NDE1: variants seen among roughly 807,000 people sequenced by gnomAD.
The protein encoded by NDE1 is nudE neurodevelopment protein 1, also known as nuclear distribution protein nudE homolog 1.
NDE1 carries 28 observed loss-of-function variants against 43.4 expected under a neutral mutation model. That is an observed-to-expected ratio of 0.65 (90% CI 0.48 to 0.89). The LOEUF (loss-of-function observed/expected upper bound fraction) is 0.89, where lower values mean the gene tolerates loss of function less well. Among genes scored for constraint, NDE1 ranks in the 40% least tolerant of loss-of-function variants. The pLI is 0.00. For missense variants in NDE1, 441 were observed against 434.1 expected (o/e 1.02, Z -0.14); for synonymous variants, 184 against 172.0 (o/e 1.07, Z -0.55).
chr16:15,717,053 T>C, intron 8 of NDE1: 1 of 1,397,076 alleles, frequency 7.2e-7, no homozygotes, highest in Non-Finnish European at 1.0e-6. Context: ...CCAGAACTGA[T>C]GCTGGAAGAG....
At chr16:15,691,551 G>C (rs1016014611) in intron 6 of NDE1, among the ~76,000 whole-genome samples, 1 of 152,024 alleles carries the variant, frequency 6.6e-6, no homozygotes, top group Admixed American at 6.6e-5. Flanking sequence ...ACCCCACCCA[G>C]AGCGGGTGGC....
At chr16:15,704,431 A>G (rs1048226964) in intron 8 of NDE1, among the ~76,000 whole-genome samples, 38 of 152,318 alleles carry the variant, frequency 2.5e-4, no homozygotes, top group African/African-American at 8.7e-4. Context: ...TTGAGAAGCC[A>G]CAGGATTCTG....
At chr16:15,645,871 C>T (rs576402757), upstream of NDE1, among the ~76,000 whole-genome samples, 90 of 152,244 alleles carry the variant, frequency 5.9e-4, 1 homozygote, top group Non-Finnish European at 1.0e-3. Context: ...TCCCCAGAAA[C>T]CAATCTTCTA....
chr16:15,725,934 C>T lies in NDE1; in HGVS notation c.*1683C>T, dbSNP rs887859862. On this transcript the variant is annotated 3_prime_UTR_variant, in exon 9 of 9. Coordinates refer to ENST00000396354, the MANE Select transcript of NDE1 (RefSeq NM_017668.3). ...TACATCATCTGGGTACAAGCTCCCCCTCCAACCCCACTCTGTACTATCTCC... is the reference window on the plus strand; with the variant it reads ...TACATCATCTGGGTACAAGCTCCCCTTCCAACCCCACTCTGTACTATCTCC... The T allele has an allele frequency of 2.4e-5, 9 of 372,452 alleles. No homozygotes were observed. The highest frequency in any genetic ancestry group is 9.2e-5 in the Admixed American group (2 of 21,724). The allele number at this position is 372,452 out of a possible 1,614,324, so 23.1% of individuals were successfully genotyped here.
chr16:15,653,182 T>A (rs144553183), intron 1 of NDE1, among the ~76,000 whole-genome samples: 1,670 of 152,260 alleles, frequency 0.011, 37 homozygotes, highest in African/African-American at 0.037. Flanking sequence ...ATATTAGTAC[T>A]TACAGTTCTT....
chr16:15,687,659 C>A, intron 5 of NDE1, 148 bp downstream of exon 5: 1 of 804,356 alleles, frequency 1.2e-6, no homozygotes, highest in Non-Finnish European at 2.1e-6. Context: ...TGTCGGACTG[C>A]ACTGGGCAGA....
At chr16:15,670,031 G>A (rs1246222081) in intron 3 of NDE1, among the ~76,000 whole-genome samples, 1 of 152,162 alleles carries the variant, frequency 6.6e-6, no homozygotes, top group African/African-American at 2.4e-5. Flanking sequence ...CTGCCAGCCA[G>A]CATCACTAGG....
intron 4 of NDE1, 188 bp from the exon 5 acceptor site, chr16:15,687,186 TC>T: frequency 6.6e-7 from 1 of 1,510,074 alleles, no homozygotes; most frequent in Non-Finnish European, 8.8e-7. Context: ...CTATGATGAG[TC>T]CCATTCTGCA....
intron 8 of NDE1, chr16:15,720,352 CT>C (rs2040402334): frequency 1.3e-6 from 2 of 1,596,450 alleles, no homozygotes; most frequent in Middle Eastern, 1.7e-4. Context: ...CCACTTGCCC[CT>C]GGGAGGTCCT....
At chr16:15,701,520 A>G (rs1201417552) in intron 8 of NDE1, 1 of 152,228 alleles carries the variant, frequency 6.6e-6, no homozygotes, top group Non-Finnish European at 1.5e-5. Flanking sequence ...GGCATAATGA[A>G]GTAACCAGGG....
chr16:15,679,102 C>T (rs1229174713), intron 4 of NDE1, among the ~76,000 whole-genome samples: 2 of 151,724 alleles, frequency 1.3e-5, no homozygotes, highest in Non-Finnish European at 2.9e-5. Flanking sequence ...CAAAAAACAA[C>T]AAAAAAACAA....
intron 4 of NDE1, among the ~76,000 whole-genome samples, chr16:15,685,910 T>C (rs1187643212): frequency 6.6e-6 from 1 of 151,796 alleles, no homozygotes; most frequent in Non-Finnish European, 1.5e-5. Flanking sequence ...AATTTATAGA[T>C]GTGTGCTTAT....
chr16:15,675,292 G>A (rs2037810430), intron 3 of NDE1, among the ~76,000 whole-genome samples: 2 of 151,382 alleles, frequency 1.3e-5, no homozygotes, highest in South Asian at 2.1e-4. Flanking sequence ...TCCGCCTCCC[G>A]GGTTCAAGAG....
At chr16:15,700,698 G>C (rs1245010687) in intron 8 of NDE1, among the ~76,000 whole-genome samples, 2 of 151,558 alleles carry the variant, frequency 1.3e-5, no homozygotes, top group Non-Finnish European at 2.9e-5. Context: ...TGATCCTCCC[G>C]CCTCAGCCTC....
chr16:15,653,308 T>C (rs1368515290), intron 1 of NDE1, among the ~76,000 whole-genome samples: 1 of 152,180 alleles, frequency 6.6e-6, no homozygotes, highest in Non-Finnish European at 1.5e-5. Context: ...CTAAGTATTT[T>C]TGTAGGTTGA....
intron 1 of NDE1, among the ~76,000 whole-genome samples, chr16:15,661,790 C>G (rs956477836): frequency 3.9e-5 from 6 of 151,998 alleles, no homozygotes; most frequent in African/African-American, 1.4e-4. Flanking sequence ...GTGGCGGCAC[C>G]CAATTGCCTA....
At chr16:15,686,532 G>C in intron 4 of NDE1, 1 of 985,254 alleles carries the variant, frequency 1.0e-6, no homozygotes, top group Non-Finnish European at 1.2e-6. Flanking sequence ...TGCATCTTAT[G>C]CCTGGCACAA....
intron 1 of NDE1, among the ~76,000 whole-genome samples, chr16:15,658,334 G>A (rs1372514940): frequency 1.3e-5 from 2 of 152,218 alleles, no homozygotes; most frequent in Non-Finnish European, 2.9e-5. Context: ...CATTGGCTCA[G>A]CATGGGTTAG....
At position 15,724,439 on chromosome 16, in the gene NDE1, GA is replaced by G. The variant is rs756786823; in HGVS notation, c.*189del. On this transcript the variant is annotated 3_prime_UTR_variant, in exon 9 of 9. Coordinates refer to ENST00000396354, the MANE Select transcript of NDE1 (RefSeq NM_017668.3). ...AAGGACAGCGTCCAGGGTAGGGTGA[GA>G]GGGGGACCATGAGTGGCCCCTGTCC... 1.6e-5 allele frequency: 25 copies of G among 1,612,826 alleles called. No homozygotes were observed. Among genetic ancestry groups the G allele is most frequent in the Middle Eastern group, 1.8e-4 (1 of 5,520 alleles).
Sources: gnomAD v4.1 joint callset for allele counts (sites outside exome capture counted in the v4.1 genomes callset) on GRCh38, gnomAD v4.1.1 for gene constraint, MANE v1.5 for transcripts, NCBI Gene and HGNC (gene_info 2026-07-23, HGNC 2026-07-21) for gene names.